Variants in SPAG16 observed in about 807,000 individuals in gnomAD.
SPAG16 encodes the protein sperm-associated antigen 16 protein.
SPAG16 carries 86 observed loss-of-function variants against 80.4 expected under a neutral mutation model. The ratio of observed to expected loss-of-function variants is 1.07; its 90% CI spans 0.90 to 1.28. The LOEUF is 1.28. Ranked by LOEUF, SPAG16 falls within the 50% of genes most tolerant of loss-of-function variation. SPAG16 has a pLI of 0.00. For missense variants in SPAG16, 870 were observed against 765.3 expected (o/e 1.14, Z -1.61); for synonymous variants, 294 against 265.9 (o/e 1.11, Z -1.03).
chr2:213,322,095 TA>T (rs558587900), intron 5 of SPAG16, among the ~76,000 whole-genome samples: 91 of 147,790 alleles, frequency 6.2e-4, no homozygotes, highest in African/African-American at 1.8e-3. Context: ...AATAAATAAA[TA>T]AAAAAAAGTA....
intron 3 of SPAG16, among the ~76,000 whole-genome samples, chr2:213,299,725 A>C (rs2062655704): frequency 6.6e-6 from 1 of 152,138 alleles, no homozygotes; most frequent in Admixed American, 6.5e-5. Context: ...GAATTAAATA[A>C]TTTTCATTAT....
At chr2:213,591,651 G>A (rs2060695095) in intron 10 of SPAG16, among the ~76,000 whole-genome samples, 1 of 152,180 alleles carries the variant, frequency 6.6e-6, no homozygotes, top group Non-Finnish European at 1.5e-5. Context: ...GGTGGGGAGA[G>A]AGATTGGGCT....
intron 12 of SPAG16, among the ~76,000 whole-genome samples, chr2:213,988,221 A>G (rs568488287): frequency 6.6e-6 from 1 of 152,252 alleles, no homozygotes; most frequent in East Asian, 1.9e-4. Flanking sequence ...GTAAAGATAT[A>G]GAACTTGAAC....
chr2:213,683,584 C>G (rs2064504200), intron 10 of SPAG16, among the ~76,000 whole-genome samples: 1 of 151,798 alleles, frequency 6.6e-6, no homozygotes, highest in African/African-American at 2.4e-5. Flanking sequence ...TACCACTTAA[C>G]TATGTGATTT....
chr2:214,006,415 T>C (rs970324989), intron 12 of SPAG16, among the ~76,000 whole-genome samples: 1 of 152,210 alleles, frequency 6.6e-6, no homozygotes, highest in African/African-American at 2.4e-5. Flanking sequence ...TAGACAAATC[T>C]GCTTTACAGC....
At chr2:213,293,121 G>C (rs966003174) in intron 1 of SPAG16, among the ~76,000 whole-genome samples, 4 of 152,154 alleles carry the variant, frequency 2.6e-5, no homozygotes, top group Non-Finnish European at 2.9e-5. Context: ...AGTATCGCAA[G>C]ATCTCATGGT....
intron 15 of SPAG16, among the ~76,000 whole-genome samples, chr2:214,247,590 A>G (rs1054711627): frequency 6.6e-6 from 1 of 152,222 alleles, no homozygotes; most frequent in African/African-American, 2.4e-5. Flanking sequence ...TAAGAAGATA[A>G]AAGTTTATAG....
At chr2:213,645,165 C>T (rs901810987) in intron 10 of SPAG16, among the ~76,000 whole-genome samples, 5 of 152,212 alleles carry the variant, frequency 3.3e-5, no homozygotes, top group African/African-American at 9.6e-5. Context: ...TGCCAGACTA[C>T]AAGCCAATGT....
chr2:214,137,273 T>C (rs536675883), intron 14 of SPAG16, among the ~76,000 whole-genome samples: 2 of 152,120 alleles, frequency 1.3e-5, no homozygotes, highest in African/African-American at 4.8e-5. Flanking sequence ...GCTATTTTCA[T>C]TGAACTACAT....
chr2:214,352,091 G>A (rs1051450358), intron 15 of SPAG16, among the ~76,000 whole-genome samples: 1 of 152,014 alleles, frequency 6.6e-6, no homozygotes, highest in African/African-American at 2.4e-5. Context: ...TTGCACCTGT[G>A]TTCTAAGGTT....
At chr2:213,831,943 A>G (rs1426222702) in intron 10 of SPAG16, among the ~76,000 whole-genome samples, 2 of 152,084 alleles carry the variant, frequency 1.3e-5, no homozygotes, top group Non-Finnish European at 2.9e-5. Flanking sequence ...CATGCTGTTG[A>G]ACACTGGGCT....
rs566187156 is a variant in SPAG16, at chr2:213,688,047, A to C, written c.1071-174438A>C. ...TTTAGGGAGGCATGAGACATCAATC[A>C]AATACATTTGAGAAATACATTGGTT... On this transcript the variant is annotated intron_variant, in intron 10 of 15. Transcript: ENST00000331683. Among the ~76,000 whole-genome samples, 9 of 152,328 alleles carry C rather than the reference A, an allele frequency of 5.9e-5. No homozygotes were observed. In the East Asian group the frequency reaches 1.7e-3, roughly 29 times the overall value.
At chr2:213,381,789 T>C (rs899763680) in intron 9 of SPAG16, among the ~76,000 whole-genome samples, 38 of 152,360 alleles carry the variant, frequency 2.5e-4, no homozygotes, top group South Asian at 4.1e-4. Context: ...TCCAACCTTA[T>C]TCTTTTATAA....
chr2:213,666,551 A>G (rs575290925), intron 10 of SPAG16, among the ~76,000 whole-genome samples: 1 of 152,228 alleles, frequency 6.6e-6, no homozygotes, highest in Non-Finnish European at 1.5e-5. Context: ...ATCTACTTTC[A>G]TTTTTCATTT....
intron 12 of SPAG16, among the ~76,000 whole-genome samples, chr2:213,942,319 A>G (rs1156468007): frequency 4.6e-5 from 7 of 152,154 alleles, no homozygotes; most frequent in Non-Finnish European, 8.8e-5. Flanking sequence ...TTCTCTATCA[A>G]TTAACTTACT....
rs183419209 is a variant in SPAG16, at chr2:213,773,537, A to C, written c.1071-88948A>C. Among the ~76,000 whole-genome samples the C allele has an allele frequency of 8.6e-5, 13 of 151,960 alleles. No homozygotes were observed. The East Asian group carries it at 2.5e-3, about 29-fold the overall frequency. Reference sequence around the variant, plus strand: ...TGGGAATGGTGTTTCTTTTTGTTTTAATTTGGAAATTTTTCTTTCTTTCCT... The same window carrying C: ...TGGGAATGGTGTTTCTTTTTGTTTTCATTTGGAAATTTTTCTTTCTTTCCT... On this transcript the variant is annotated intron_variant, in intron 10 of 15. Coordinates refer to ENST00000331683, the MANE Select transcript of SPAG16 (RefSeq NM_024532.5).
At chr2:213,967,072 T>C (rs933434821) in intron 12 of SPAG16, among the ~76,000 whole-genome samples, 12 of 152,218 alleles carry the variant, frequency 7.9e-5, no homozygotes, top group Non-Finnish European at 1.5e-4. Flanking sequence ...AATCTAATTC[T>C]ATTTTTTTCC....
chr2:214,185,150 C>T (rs1381132673), intron 15 of SPAG16, among the ~76,000 whole-genome samples: 1 of 151,976 alleles, frequency 6.6e-6, no homozygotes, highest in Admixed American at 6.6e-5. Flanking sequence ...GAAAAGTGCT[C>T]GTTCTAGAGG....
intron 12 of SPAG16, among the ~76,000 whole-genome samples, chr2:214,009,414 C>A (rs1246964962): frequency 6.6e-6 from 1 of 152,130 alleles, no homozygotes; most frequent in African/African-American, 2.4e-5. Flanking sequence ...GGATTATATT[C>A]CTGTGCTATG....
Sources: gnomAD v4.1 joint callset for allele counts (sites outside exome capture counted in the v4.1 genomes callset) on GRCh38, gnomAD v4.1.1 for gene constraint, MANE v1.5 for transcripts, NCBI Gene and HGNC (gene_info 2026-07-23, HGNC 2026-07-21) for gene names.